CCDC66: variants seen among roughly 807,000 people sequenced by gnomAD.
CCDC66 encodes the protein coiled-coil domain-containing protein 66.
CCDC66 carries 133 observed loss-of-function variants against 128.3 expected under a neutral mutation model. The observed-to-expected ratio is 1.04, with a 90% CI of 0.90 to 1.20. The LOEUF is 1.20. Ranked by LOEUF, CCDC66 falls within the 50% of genes most tolerant of loss-of-function variation. CCDC66 has a pLI of 0.00. For synonymous variants in CCDC66, 387 were observed against 357.0 expected, an observed-to-expected ratio of 1.08 and a Z score of -0.95; for missense variants, 1,126 against 1,075.5, an observed-to-expected ratio of 1.05 and a Z score of -0.66.
In CCDC66 at chr3:56,583,906, GGCGGCGGC is replaced by G. The variant is rs1186375429; in HGVS notation, c.937-9063_937-9056del. On this transcript the variant is annotated intron_variant, in intron 7 of 17. Transcript: ENST00000394672. ...GAGGCGCCCCCCACCTCCCGGATGG[GGCGGCGGC>G]TGGGCGGGGGCTGCCCCCCACCTCC... Among the ~76,000 whole-genome samples the G allele has an allele frequency of 7.8e-5, 7 of 89,388 alleles. 1 individual carries two copies. The East Asian group carries it at 3.6e-3, about 46-fold the overall frequency. The allele number at this position is 89,388 out of a possible 152,430, so 58.6% of individuals were successfully genotyped here. A position where few individuals can be genotyped will look rare whatever the true frequency, so the allele number is the denominator to read the frequency against.
intron 15 of CCDC66, 186 bp from the exon 16 acceptor site, chr3:56,619,085 G>A (rs1025467662): frequency 3.8e-6 from 2 of 524,922 alleles, no homozygotes; most frequent in Non-Finnish European, 6.6e-6. Context: ...GGGCACTGTG[G>A]CGTGCGCCTG....
intron 10 of CCDC66, among the ~76,000 whole-genome samples, chr3:56,605,146 G>A (rs1199608828): frequency 2.6e-5 from 4 of 151,932 alleles, no homozygotes; most frequent in Non-Finnish European, 4.4e-5. Context: ...TTCTCTAAAC[G>A]GTTATTCTAG....
intron 9 of CCDC66, 33 bp downstream of exon 9, chr3:56,593,774 C>G (rs751719077): frequency 6.2e-7 from 1 of 1,601,050 alleles, no homozygotes; most frequent in Admixed American, 1.7e-5. Flanking sequence ...ATTGACTTTT[C>G]AGAAAGTCTG....
chr3:56,563,687 G>A lies in CCDC66; in HGVS notation c.106G>A (p.Gly36Arg), dbSNP rs1559599599. The A allele has an allele frequency of 1.3e-6, 2 of 1,544,894 alleles. No individual in the cohort carries two copies. The highest frequency in any genetic ancestry group is 1.7e-6 in the Non-Finnish European group (2 of 1,144,494). The change falls in exon 4 of 18, where the codon GGA (glycine) becomes AGA (arginine). Residue 36 changes from glycine (G) to arginine (R), a missense_variant. Gly to Arg is a moderately radical substitution (Grantham distance 125). Transcript: ENST00000394672. Reference sequence around the variant, plus strand: ...TAAGCTTCTGGTGTTTTAACAGATGGGAAATAAGGCCAAGATTGCAAAATG... The same window carrying A: ...TAAGCTTCTGGTGTTTTAACAGATGAGAAATAAGGCCAAGATTGCAAAATG... ...EHKSKISVKM[G>R]NKAKIAKCPL...
chr3:56,575,641 C>A (rs2067252575), intron 7 of CCDC66, among the ~76,000 whole-genome samples: 1 of 151,702 alleles, frequency 6.6e-6, no homozygotes, highest in South Asian at 2.1e-4. Context: ...TTTTTAATGT[C>A]CTATCAAAGA....
chr3:56,581,673 AG>A (rs2068395626), intron 7 of CCDC66, among the ~76,000 whole-genome samples: 1 of 151,830 alleles, frequency 6.6e-6, no homozygotes, highest in Non-Finnish European at 1.5e-5. Context: ...AGTTTGCTGG[AG>A]GTCCACTCCA....
At chr3:56,621,421 A>G (rs2076605753) in intron 17 of CCDC66, 111 bp from the exon 18 acceptor site, 1 of 753,294 alleles carries the variant, frequency 1.3e-6, no homozygotes, top group Non-Finnish European at 2.1e-6. Context: ...TGAATGACAA[A>G]ATTTTATCCT....
intron 10 of CCDC66, among the ~76,000 whole-genome samples, chr3:56,611,689 G>C (rs946020612): frequency 6.6e-6 from 1 of 151,864 alleles, no homozygotes; most frequent in African/African-American, 2.4e-5. Context: ...CCACCCTCCT[G>C]ATGGATCCCT....
chr3:56,608,126 A>G (rs1157042167), intron 10 of CCDC66, among the ~76,000 whole-genome samples: 1 of 152,050 alleles, frequency 6.6e-6, no homozygotes, highest in African/African-American at 2.4e-5. Context: ...TGGTTTTGGT[A>G]TTAGGGTGAT....
intron 7 of CCDC66, among the ~76,000 whole-genome samples, chr3:56,578,775 G>A (rs2067820115): frequency 6.6e-6 from 1 of 151,870 alleles, no homozygotes; most frequent in Non-Finnish European, 1.5e-5. Context: ...TGATCATGGT[G>A]GATAAGCTTT....
chr3:56,583,599 A>G (rs1404160527), intron 7 of CCDC66, among the ~76,000 whole-genome samples: 1 of 151,904 alleles, frequency 6.6e-6, no homozygotes, highest in Non-Finnish European at 1.5e-5. Context: ...CATGTTTCAG[A>G]GAGCACAGGG....
intron 7 of CCDC66, among the ~76,000 whole-genome samples, chr3:56,578,143 G>T (rs1180928333): frequency 6.6e-6 from 1 of 151,698 alleles, no homozygotes; most frequent in South Asian, 2.1e-4. Context: ...TCCCTTGTAA[G>T]TTGTATTCCT....
chr3:56,616,100 A>G (rs1423343549), intron 13 of CCDC66, 47 bp downstream of exon 13: 4 of 1,505,926 alleles, frequency 2.7e-6, no homozygotes, highest in Non-Finnish European at 3.6e-6. Context: ...ACTTAAAGTC[A>G]TAATTAAAGC....
At chr3:56,609,810 A>G (rs756816261) in intron 10 of CCDC66, among the ~76,000 whole-genome samples, 1 of 152,178 alleles carries the variant, frequency 6.6e-6, no homozygotes, top group Non-Finnish European at 1.5e-5. Flanking sequence ...TTCTCTCAGC[A>G]TTTGTCTGAA....
At chr3:56,620,685 A>ATTTC (rs1156249374) in intron 17 of CCDC66, 1 of 152,204 alleles carries the variant, frequency 6.6e-6, no homozygotes, top group Non-Finnish European at 1.5e-5. Flanking sequence ...TACATAAGTT[A>ATTTC]TTTCTTTAGA....
chr3:56,568,916 CAT>C (rs765137719), intron 6 of CCDC66, among the ~76,000 whole-genome samples: 1 of 152,194 alleles, frequency 6.6e-6, no homozygotes, highest in Admixed American at 6.5e-5. Flanking sequence ...ATCTGCAAAA[CAT>C]GTGACGTAAC....
intron 6 of CCDC66, 145 bp from the exon 7 acceptor site, chr3:56,571,036 T>A: frequency 1.9e-6 from 1 of 528,424 alleles, no homozygotes; most frequent in Non-Finnish European, 3.1e-6. Context: ...AAAAAATTAT[T>A]CTCCACTTTG....
chr3:56,596,275 G>A (rs1429455914), intron 10 of CCDC66, among the ~76,000 whole-genome samples: 1 of 152,030 alleles, frequency 6.6e-6, no homozygotes, highest in Non-Finnish European at 1.5e-5. Flanking sequence ...TCTCATTATG[G>A]GTTTGATTTG....
At chr3:56,592,847 C>A in intron 7 of CCDC66, 123 bp from the exon 8 acceptor site, 1 of 899,870 alleles carries the variant, frequency 1.1e-6, no homozygotes, top group Non-Finnish European at 1.7e-6. Flanking sequence ...GAAGTTATTG[C>A]TCCTCTTACA....
Sources: gnomAD v4.1 joint callset for allele counts (sites outside exome capture counted in the v4.1 genomes callset) on GRCh38, gnomAD v4.1.1 for gene constraint, MANE v1.5 for transcripts, NCBI Gene and HGNC (gene_info 2026-07-23, HGNC 2026-07-21) for gene names.